The following POLE variants were observed in gnomAD, a reference collection of about 807,000 sequenced individuals.
The protein encoded by POLE is DNA polymerase epsilon, catalytic subunit.
POLE carries 188 observed loss-of-function variants against 279.2 expected under a neutral mutation model. The ratio of observed to expected loss-of-function variants is 0.67; its 90% CI spans 0.60 to 0.76. The LOEUF is 0.76. Ranked by LOEUF, POLE falls within the 30% of genes least tolerant of loss-of-function variation. The pLI is 0.00. For missense variants in POLE, 2,703 were observed against 3,016.7 expected (o/e 0.90, Z 2.44); for synonymous variants, 1,214 against 1,172.5 (o/e 1.04, Z -0.72).
Position 132,661,038 on chromosome 12 carries a change from G to A in POLE, c.2991C>T (p.Ser997=), listed in dbSNP as rs747381427. The part of the protein sequence containing the change: ...SSVFEAFLKG[S]TLEEVYGSVA... ...CAGAGCCATACACCTCTTCCAGCGT[G>A]CTGCCCTTGAGGAAGGCCTCAAACA... Residue 997 remains serine, a synonymous_variant, in exon 25 of 49, where the codon AGC becomes AGT. Transcript: ENST00000320574. The surrounding 1 kb of genome is among the most constrained non-coding windows in gnomAD (Gnocchi z 4.1). 1 of 1,614,090 alleles carries A rather than the reference G, an allele frequency of 6.2e-7. No individual in the cohort carries two copies. Among genetic ancestry groups the A allele is most frequent in the Non-Finnish European group, 8.5e-7 (1 of 1,180,008 alleles).
chr12:132,630,304 A>G (rs1468706420), intron 45 of POLE, among the ~76,000 whole-genome samples: 1 of 152,230 alleles, frequency 6.6e-6, no homozygotes, highest in Non-Finnish European at 1.5e-5. Context: ...TCGAAGCACA[A>G]TAAGACAGGA....
intron 39 of POLE, chr12:132,641,117 T>C: frequency 6.6e-6 from 3 of 455,122 alleles, no homozygotes; most frequent in Non-Finnish European, 4.4e-6. Flanking sequence ...CCTGGGCTGA[T>C]GTGGGGACAG....
intron 29 of POLE, chr12:132,650,153 G>A (rs566581720): frequency 2.9e-5 from 14 of 477,824 alleles, no homozygotes; most frequent in Middle Eastern, 5.8e-4. Flanking sequence ...AGGCTGCGGC[G>A]AACTATGATC....
intron 26 of POLE, 185 bp from the exon 27 acceptor site, chr12:132,658,155 C>CGTGTGTATGTGTAAACACGTGCGTGT: frequency 1.8e-6 from 1 of 548,800 alleles, no homozygotes; most frequent in East Asian, 3.1e-5. Flanking sequence ...GTAACACGTG[C>CGTGTGTATGTGTAAACACGTGCGTGT]GTATGTGTAA....
chr12:132,669,961 G>A (rs569571708), intron 16 of POLE, among the ~76,000 whole-genome samples: 3 of 152,006 alleles, frequency 2.0e-5, no homozygotes, highest in Non-Finnish European at 2.9e-5. Context: ...GGAGCCTGGC[G>A]TCCTCACATC....
At chr12:132,673,424 GAC>G (rs1441751981) in intron 13 of POLE, 147 bp from the exon 14 acceptor site, 1 of 1,262,300 alleles carries the variant, frequency 7.9e-7, no homozygotes, top group African/African-American at 1.5e-5. Flanking sequence ...GTGTCCCGGA[GAC>G]ACAGCCTGCT....
intron 41 of POLE, among the ~76,000 whole-genome samples, chr12:132,636,946 G>C (rs1377800458): frequency 6.6e-6 from 1 of 152,204 alleles, no homozygotes; most frequent in Non-Finnish European, 1.5e-5. Flanking sequence ...TTCTCGACAT[G>C]AGCAACCCCG....
rs951984306 is a variant in POLE, at chr12:132,642,540, C to G, written c.4918G>C (p.Asp1640His). ...RRMIRHYLNL[D>H]TCLSQAFEMS... ...TCGAAGGCCTGCGACAGGCAGGTGT[C>G]CAGGTTGAGGTAGTGACGGATCATG... The change falls in exon 37 of 49, where the codon GAC becomes CAC. Residue 1640 changes from aspartate (D) to histidine (H), a missense_variant. Physicochemically the swap from Asp to His is moderately conservative, Grantham distance 81. Around this residue, in one of 5 missense-constraint regions of POLE, gnomAD observed 1,551 missense variants for 1,686.1 expected, o/e 0.92. Coordinates refer to ENST00000320574, the MANE Select transcript of POLE (RefSeq NM_006231.4). 6.2e-7 allele frequency: 1 copy of G among 1,613,642 alleles called. No individual in the cohort carries two copies. The highest frequency in any genetic ancestry group is 8.5e-7 in the Non-Finnish European group (1 of 1,180,032).
intron 1 of POLE, among the ~76,000 whole-genome samples, chr12:132,682,302 AAAT>A (rs1565982795): frequency 7.5e-4 from 74 of 98,870 alleles, no homozygotes; most frequent in Non-Finnish European, 1.2e-3. Flanking sequence ...AAAAAAAAAA[AAAT>A]AAATAAAAAT....
chr12:132,640,412 T>C, intron 39 of POLE, among the ~76,000 whole-genome samples: 1 of 152,202 alleles, frequency 6.6e-6, no homozygotes, highest in East Asian at 1.9e-4. Flanking sequence ...ACCGAAGCAA[T>C]GGTCAGGCAG....
intron 16 of POLE, among the ~76,000 whole-genome samples, chr12:132,669,863 T>C (rs2042885749): frequency 1.3e-5 from 2 of 152,336 alleles, no homozygotes; most frequent in South Asian, 2.1e-4. Context: ...AAGGCGATCC[T>C]GGGCTTCCCT....
At position 132,626,282 on chromosome 12, in the gene POLE, C is replaced by T. The variant is rs2138432267; in HGVS notation, c.6366G>A (p.Val2122=). 6.2e-7 allele frequency: 1 copy of T among 1,613,836 alleles called. No homozygotes were observed. The highest frequency in any genetic ancestry group is 8.5e-7 in the Non-Finnish European group (1 of 1,180,042). ...GAAGCAGGTCTCGGTTCAGCTTATT[C>T]ACCTGGTTTGTGATGTTGGTGTCCA... ...LSLDTNITNQ[V]NKLNRDLLRL... is the part of the protein sequence containing the mutation. Residue 2122 remains valine, a synonymous_variant, in exon 46 of 49, where the codon GTG becomes GTA. Coordinates refer to ENST00000320574, the MANE Select transcript of POLE (RefSeq NM_006231.4).
intron 6 of POLE, among the ~76,000 whole-genome samples, chr12:132,678,368 AC>A (rs2043103587): frequency 6.6e-6 from 1 of 151,764 alleles, no homozygotes; most frequent in Non-Finnish European, 1.5e-5. Context: ...GGAGTTCAAG[AC>A]AGGCCTGGGC....
intron 1 of POLE, among the ~76,000 whole-genome samples, chr12:132,685,253 G>A (rs1430964864): frequency 6.7e-6 from 1 of 148,500 alleles, no homozygotes; most frequent in Non-Finnish European, 1.5e-5. Context: ...CTACACACAG[G>A]CTCTCATTCA....
intron 45 of POLE, among the ~76,000 whole-genome samples, chr12:132,628,644 TCAAAACAAAA>T (rs113536517): frequency 0.033 from 5,019 of 150,826 alleles, 190 homozygotes; most frequent in African/African-American, 0.088. Context: ...AGGCTCCATC[TCAAAACAAAA>T]CAAAACAAAA....
Position 132,626,406 on chromosome 12 carries a change from C to T in POLE, c.6331-89G>A, listed in dbSNP as rs1353273867. The T allele has an allele frequency of 3.1e-6, 4 of 1,274,396 alleles. No homozygotes were observed. The Admixed American group carries it at 5.5e-5, about 18-fold the overall frequency. 78.9% of individuals were successfully genotyped at this position (1,274,396 alleles called of 1,614,324 possible). ...CCAGAACCCTCTGGACCTTAGGCTA[C>T]AGTTTCCTGGTGTCCTTTCCTCCCT... is the stretch of plus-strand genomic sequence containing the variant. On this transcript the variant is annotated intron_variant, in intron 45 of 48. Transcript: ENST00000320574.
intron 45 of POLE, among the ~76,000 whole-genome samples, chr12:132,630,810 T>C (rs935377924): frequency 1.3e-5 from 2 of 152,154 alleles, no homozygotes; most frequent in Admixed American, 1.3e-4. Flanking sequence ...ATAGCTGCAA[T>C]TTAAAAACCC....
At chr12:132,625,479 G>T (rs2041816911) in intron 47 of POLE, 166 bp downstream of exon 47, 2 of 905,302 alleles carry the variant, frequency 2.2e-6, no homozygotes, top group Admixed American at 1.7e-5. Flanking sequence ...AACCAGTGTG[G>T]ACAGAACAGT....
chr12:132,643,019 A>G (rs760519791), intron 35 of POLE, 23 bp from the exon 36 acceptor site: 2 of 1,572,376 alleles, frequency 1.3e-6, no homozygotes, highest in Non-Finnish European at 1.7e-6. Context: ...AGGCCACGTC[A>G]GCCTCCCCCT....
Sources: gnomAD v4.1 joint callset for allele counts (sites outside exome capture counted in the v4.1 genomes callset) on GRCh38, gnomAD v4.1.1 for gene constraint, gnomAD v4.1.1 regional missense constraint, Gnocchi (gnomAD v3.1) non-coding constraint, MANE v1.5 for transcripts, NCBI Gene and HGNC (gene_info 2026-07-23, HGNC 2026-07-21) for gene names.